The following FOXP1 variants were observed in gnomAD, a reference collection of about 807,000 sequenced individuals.
FOXP1 encodes forkhead box protein P1.
FOXP1 carries 15 observed loss-of-function variants against 98.2 expected under a neutral mutation model. That is an observed-to-expected ratio of 0.15 (90% CI 0.10 to 0.24). FOXP1 has a LOEUF of 0.24. Among genes scored for constraint, FOXP1 ranks in the 10% least tolerant of loss-of-function variants. The pLI is 1.00. For missense variants in FOXP1, 633 were observed against 848.5 expected (o/e 0.75, Z 3.15); for synonymous variants, 371 against 314.5 (o/e 1.18, Z -1.90).
At chr3:71,286,031 T>G (rs1303450425) in intron 5 of FOXP1, among the ~76,000 whole-genome samples, 4 of 152,226 alleles carry the variant, frequency 2.6e-5, no homozygotes, top group Non-Finnish European at 5.9e-5. Context: ...TAAACCCAGA[T>G]AGTATGTATA....
chr3:71,325,649 GTATTATTATTATTATTAT>G (rs10575337), intron 4 of FOXP1, among the ~76,000 whole-genome samples: 5 of 148,094 alleles, frequency 3.4e-5, no homozygotes, highest in East Asian at 2.0e-4. Flanking sequence ...TCCTACAAAT[GTATTATTATTATTATTAT>G]TATTATTATT....
intron 1 of FOXP1, 132 bp downstream of exon 1, chr3:71,583,439 C>A: frequency 1.0e-6 from 1 of 972,864 alleles, no homozygotes; most frequent in Non-Finnish European, 1.2e-6. Context: ...TTTTTTTTTC[C>A]ATTTTTTTTC....
At chr3:71,108,589 A>G (rs1178169002) in intron 7 of FOXP1, among the ~76,000 whole-genome samples, 2 of 152,158 alleles carry the variant, frequency 1.3e-5, no homozygotes, top group Non-Finnish European at 2.9e-5. Flanking sequence ...AACATGGTGA[A>G]ACCAAGTCTC....
intron 4 of FOXP1, among the ~76,000 whole-genome samples, chr3:71,330,291 C>T (rs1397179267): frequency 6.6e-6 from 1 of 152,152 alleles, no homozygotes; most frequent in Non-Finnish European, 1.5e-5. Context: ...AAGAGCATTT[C>T]TACTTTCTTG....
At chr3:71,560,710 ATAT>A (rs2046469755) in intron 2 of FOXP1, among the ~76,000 whole-genome samples, 1 of 152,242 alleles carries the variant, frequency 6.6e-6, no homozygotes, top group African/African-American at 2.4e-5. Flanking sequence ...ATACAATGAA[ATAT>A]TATTCAGCCA....
At chr3:71,020,131 T>G (rs1429174621) in intron 11 of FOXP1, among the ~76,000 whole-genome samples, 2 of 152,172 alleles carry the variant, frequency 1.3e-5, no homozygotes, top group African/African-American at 4.8e-5. Flanking sequence ...TAATTTAAAT[T>G]TCTCTTGATA....
chr3:71,260,251 G>A (rs1426795423), intron 5 of FOXP1, among the ~76,000 whole-genome samples: 1 of 152,196 alleles, frequency 6.6e-6, no homozygotes, highest in African/African-American at 2.4e-5. Flanking sequence ...CCAAAGTGCT[G>A]GGATTACAGG....
At chr3:71,429,007 G>A (rs2084424085) in intron 3 of FOXP1, among the ~76,000 whole-genome samples, 1 of 152,240 alleles carries the variant, frequency 6.6e-6, no homozygotes, top group African/African-American at 2.4e-5. Context: ...GTGCCGACAT[G>A]CAGACAGTAG....
At chr3:71,347,034 C>A (rs1560346008) in intron 4 of FOXP1, among the ~76,000 whole-genome samples, 3 of 152,050 alleles carry the variant, frequency 2.0e-5, no homozygotes, top group African/African-American at 4.8e-5. Flanking sequence ...GACTCCATCT[C>A]AAAAAAATTA....
chr3:71,065,184 C>G (rs2107338888), intron 7 of FOXP1, among the ~76,000 whole-genome samples: 1 of 151,618 alleles, frequency 6.6e-6, no homozygotes, highest in African/African-American at 2.4e-5. Context: ...GCTGTTAACC[C>G]GGTGACCCGC....
chr3:71,345,775 G>A (rs913017129), intron 4 of FOXP1, among the ~76,000 whole-genome samples: 4 of 150,326 alleles, frequency 2.7e-5, no homozygotes, highest in Non-Finnish European at 5.9e-5. Context: ...AGTGCAGATG[G>A]GGGAGCTGGT....
intron 2 of FOXP1, among the ~76,000 whole-genome samples, chr3:71,556,157 C>T (rs1408888085): frequency 6.6e-6 from 1 of 151,974 alleles, no homozygotes; most frequent in African/African-American, 2.4e-5. Flanking sequence ...CATATAAAAA[C>T]CCTGTATATA....
intron 5 of FOXP1, among the ~76,000 whole-genome samples, chr3:71,297,771 A>G (rs546595931): frequency 4.7e-5 from 7 of 149,390 alleles, no homozygotes; most frequent in African/African-American, 1.7e-4. Flanking sequence ...GCCCGCCACC[A>G]CACCCAGCTA....
intron 7 of FOXP1, among the ~76,000 whole-genome samples, chr3:71,082,410 A>C (rs2054534609): frequency 6.8e-6 from 1 of 147,428 alleles, no homozygotes; most frequent in African/African-American, 2.5e-5. Context: ...CTCACTCGTA[A>C]GTGGGAGCTG....
chr3:71,459,163 T>C (rs1451427181), intron 3 of FOXP1, among the ~76,000 whole-genome samples: 3 of 152,214 alleles, frequency 2.0e-5, no homozygotes, highest in Non-Finnish European at 4.4e-5. Flanking sequence ...ATCAAGGTGC[T>C]AGTAGGAATT....
At chr3:71,442,910 A>T (rs1010393720) in intron 3 of FOXP1, among the ~76,000 whole-genome samples, 23 of 151,932 alleles carry the variant, frequency 1.5e-4, no homozygotes, top group Admixed American at 1.3e-4. Flanking sequence ...TTTTTGAGAC[A>T]TAGTCTCGCT....
chr3:70,980,587 C>A (rs183747846), intron 14 of FOXP1, among the ~76,000 whole-genome samples: 310 of 152,278 alleles, frequency 2.0e-3, no homozygotes, highest in Middle Eastern at 0.014. Flanking sequence ...ATTCTAGATC[C>A]TTTGTATAAT....
chr3:71,034,547 TAAAAAATAA>T (rs2047329650), intron 11 of FOXP1, among the ~76,000 whole-genome samples: 1 of 151,782 alleles, frequency 6.6e-6, no homozygotes, highest in African/African-American at 2.4e-5. Flanking sequence ...AAAATAAAAA[TAAAAAATAA>T]AAAAAATTAA....
At chr3:71,228,031 G>A (rs2065978941) in intron 5 of FOXP1, among the ~76,000 whole-genome samples, 1 of 134,262 alleles carries the variant, frequency 7.4e-6, no homozygotes, top group African/African-American at 2.7e-5. Context: ...GGGGGGCGGG[G>A]GAGGTGTCCA....
Sources: allele counts gnomAD v4.1 joint callset (sites outside exome capture counted in the v4.1 genomes callset), GRCh38; gene constraint gnomAD v4.1.1; transcripts MANE v1.5; gene names NCBI Gene and HGNC (gene_info 2026-07-23, HGNC 2026-07-21).